GGTA1: variants seen among roughly 807,000 people sequenced by gnomAD.
GGTA1 encodes the protein inactive N-acetyllactosaminide alpha-1,3-galactosyltransferase.
GGTA1 carries 5 observed loss-of-function variants against 2.6 expected under a neutral mutation model. That is an observed-to-expected ratio of 1.92 (90% CI 1.00 to 4.04). The LOEUF (loss-of-function observed/expected upper bound fraction) is 4.04, where lower values mean the gene tolerates loss of function less well. Among genes scored for constraint, GGTA1 ranks in the 30% most tolerant of loss-of-function variants. The probability of loss-of-function intolerance (pLI) is 0.00; values close to 1 mark genes in which losing one functional copy is unlikely to be tolerated. For missense variants in GGTA1, 50 were observed against 16.7 expected, an observed-to-expected ratio of 2.99 and a Z score of -3.47; for synonymous variants, 17 against 5.0, an observed-to-expected ratio of 3.38 and a Z score of -3.19.
At chr9:121,480,822 G>A (rs574026937) in intron 1 of GGTA1, among the ~76,000 whole-genome samples, 3 of 152,230 alleles carry the variant, frequency 2.0e-5, no homozygotes, top group South Asian at 2.1e-4. Flanking sequence ...ACACCCAAAC[G>A]AAAGTGTGTG....
At chr9:121,495,290 A>G (rs1301147391) in intron 1 of GGTA1, among the ~76,000 whole-genome samples, 4 of 152,002 alleles carry the variant, frequency 2.6e-5, no homozygotes, top group Admixed American at 6.6e-5. Flanking sequence ...TCATGCCTGT[A>G]AACCCAGCAC....
chr9:121,485,722 G>T (rs1234163790), intron 1 of GGTA1, among the ~76,000 whole-genome samples: 1 of 152,168 alleles, frequency 6.6e-6, no homozygotes, highest in Admixed American at 6.5e-5. Flanking sequence ...ATGTCTGTAT[G>T]GGATCAGCAG....
downstream of GGTA1, among the ~76,000 whole-genome samples, chr9:121,450,864 T>G (rs2118746343): frequency 6.6e-6 from 1 of 152,340 alleles, no homozygotes; most frequent in African/African-American, 2.4e-5. Context: ...TGATTGGTAT[T>G]GTTAATGACG....
chr9:121,476,475 A>G lies in GGTA1; in HGVS notation c.-9-8544T>C, dbSNP rs959495791. ...AAGTCCTTTGGAGCTAAGATTCCCC[A>G]GTAATCCCCAGTTCTTCTCTGATGA... is the stretch of plus-strand genomic sequence containing the variant. On this transcript the variant is annotated intron_variant, in intron 1 of 5. Coordinates refer to ENST00000481799, the MANE Select transcript of GGTA1 (RefSeq NM_001382585.1). This position sits in a 1 kb window ranked among gnomAD's most constrained non-coding sequence, Gnocchi z 4.6. Among the ~76,000 whole-genome samples the G allele has an allele frequency of 6.6e-6, 1 of 152,202 alleles. No individual in the cohort carries two copies. Among genetic ancestry groups the G allele is most frequent in the African/African-American group, 2.4e-5 (1 of 41,448 alleles).
chr9:121,457,588 C>T (rs1159139764), intron 5 of GGTA1, among the ~76,000 whole-genome samples: 1 of 151,376 alleles, frequency 6.6e-6, no homozygotes, highest in African/African-American at 2.4e-5. Flanking sequence ...GTAGTCCCAG[C>T]TACTCGGGAG....
intron 1 of GGTA1, among the ~76,000 whole-genome samples, chr9:121,483,667 A>G (rs1828699763): frequency 6.6e-6 from 1 of 152,186 alleles, no homozygotes; most frequent in Non-Finnish European, 1.5e-5. Flanking sequence ...AACAGCCAGC[A>G]TTCAGTATCT....
At chr9:121,449,895 G>A (rs1157396023) in intron 7 of GGTA1, among the ~76,000 whole-genome samples, 1 of 151,166 alleles carries the variant, frequency 6.6e-6, no homozygotes, top group Non-Finnish European at 1.5e-5. Context: ...TTTTATTGGT[G>A]TCTTCTGTAA....
At chr9:121,486,622 A>G (rs1828759337) in intron 1 of GGTA1, among the ~76,000 whole-genome samples, 1 of 152,196 alleles carries the variant, frequency 6.6e-6, no homozygotes, top group Non-Finnish European at 1.5e-5. Flanking sequence ...GAAGGGCACC[A>G]TCTCATTGCC....
intron 2 of GGTA1, among the ~76,000 whole-genome samples, chr9:121,466,036 G>A (rs931040496): frequency 2.8e-4 from 43 of 152,010 alleles, no homozygotes; most frequent in African/African-American, 9.4e-4. Flanking sequence ...CCACCTCAGC[G>A]TCGTAAGTAG....
At chr9:121,477,317 T>C (rs1004790117) in intron 1 of GGTA1, among the ~76,000 whole-genome samples, 61 of 152,270 alleles carry the variant, frequency 4.0e-4, no homozygotes, top group Admixed American at 4.0e-3. Context: ...CTTTTCTCTT[T>C]TATTGGAAAT....
chr9:121,456,800 T>C (rs572118123), intron 5 of GGTA1, among the ~76,000 whole-genome samples: 6 of 152,234 alleles, frequency 3.9e-5, no homozygotes, highest in African/African-American at 1.4e-4. Context: ...GCCTCCTGAG[T>C]AGCTGGGACT....
chr9:121,469,764 A>G (rs1828344295), intron 1 of GGTA1, among the ~76,000 whole-genome samples: 1 of 152,204 alleles, frequency 6.6e-6, no homozygotes, highest in Non-Finnish European at 1.5e-5. Context: ...TGCCTTTGAT[A>G]TACAAATGAA....
chr9:121,498,609 G>T (rs2118793447), intron 1 of GGTA1, among the ~76,000 whole-genome samples: 1 of 152,302 alleles, frequency 6.6e-6, no homozygotes, highest in South Asian at 2.1e-4. Context: ...CAAGCGGCAG[G>T]CCAGGGCTGC....
At chr9:121,493,889 T>C (rs919343911) in intron 1 of GGTA1, among the ~76,000 whole-genome samples, 4 of 151,766 alleles carry the variant, frequency 2.6e-5, no homozygotes, top group African/African-American at 9.7e-5. Context: ...CCCAAGTAGC[T>C]GAGATTACAG....
At chr9:121,473,107 G>A (rs1383268684) in intron 1 of GGTA1, among the ~76,000 whole-genome samples, 2 of 151,914 alleles carry the variant, frequency 1.3e-5, no homozygotes, top group African/African-American at 4.8e-5. Context: ...ATCACTTGAG[G>A]TCAGGAGTTC....
downstream of GGTA1, among the ~76,000 whole-genome samples, chr9:121,450,729 G>C (rs1489453315): frequency 6.6e-6 from 1 of 152,158 alleles, no homozygotes; most frequent in Non-Finnish European, 1.5e-5. Context: ...AATCTAATTA[G>C]GTGGCTCCCA....
rs925922493 is a variant in GGTA1, at chr9:121,485,315, G to A, written c.-10+14335C>T. On this transcript the variant is annotated intron_variant, in intron 1 of 5. Coordinates refer to ENST00000481799, the MANE Select transcript of GGTA1 (RefSeq NM_001382585.1). ...AATGGAGCCTCCAGGAAAACCGTGA[G>A]GAGCTGGGACAATCCCCCGAGAGTC... is the stretch of plus-strand genomic sequence containing the variant. Among the ~76,000 whole-genome samples the A allele has an allele frequency of 1.1e-4, 17 of 152,104 alleles. 1 individual carries two copies. Among genetic ancestry groups the A allele is most frequent in the African/African-American group, 3.6e-4 (15 of 41,402 alleles).
intron 1 of GGTA1, among the ~76,000 whole-genome samples, chr9:121,468,190 C>A (rs1452312049): frequency 6.6e-6 from 1 of 152,138 alleles, no homozygotes; most frequent in African/African-American, 2.4e-5. Flanking sequence ...CCCTGACAGG[C>A]CCCGGTGTGC....
intron 5 of GGTA1, among the ~76,000 whole-genome samples, chr9:121,458,463 CA>C (rs965187352): frequency 2.6e-5 from 4 of 151,216 alleles, no homozygotes; most frequent in South Asian, 2.1e-4. Flanking sequence ...CCCGTTTCTA[CA>C]AAAAATACAA....
Sources: gnomAD v4.1 joint callset for allele counts (sites outside exome capture counted in the v4.1 genomes callset) on GRCh38, gnomAD v4.1.1 for gene constraint, Gnocchi (gnomAD v3.1) non-coding constraint, MANE v1.5 for transcripts, NCBI Gene and HGNC (gene_info 2026-07-23, HGNC 2026-07-21) for gene names.